Variants in ESR2 observed in about 807,000 individuals in gnomAD.
ESR2 encodes estrogen receptor 2, also known as estrogen receptor beta.
Under a neutral mutation model 49.6 loss-of-function variants are expected in ESR2, and 36 were observed. That is an observed-to-expected ratio of 0.73 (90% CI 0.56 to 0.96). The LOEUF (loss-of-function observed/expected upper bound fraction) is 0.96. Among genes scored for constraint, ESR2 ranks in the 40% least tolerant of loss-of-function variants. The probability of loss-of-function intolerance (pLI) is 0.00; values close to 1 mark genes in which losing one functional copy is unlikely to be tolerated. For missense variants in ESR2, 714 were observed against 693.0 expected (o/e 1.03, Z -0.34); for synonymous variants, 320 against 266.1 (o/e 1.20, Z -1.97).
intron 8 of ESR2, 89 bp from the exon 9 acceptor site, chr14:64,233,412 A>T: frequency 7.8e-7 from 1 of 1,287,462 alleles, no homozygotes; most frequent in Non-Finnish European, 1.1e-6. Context: ...GCTCAGAGCC[A>T]GTCTACCCCA....
chr14:64,315,243 C>CAA (rs201805001), intron 1 of ESR2, among the ~76,000 whole-genome samples: 210 of 45,652 alleles, frequency 4.6e-3, no homozygotes, highest in Non-Finnish European at 5.6e-3. Context: ...GAGTCTGTCT[C>CAA]AAAAAAAAAA....
chr14:64,233,379 C>A, intron 8 of ESR2, 56 bp from the exon 9 acceptor site: 1 of 1,548,298 alleles, frequency 6.5e-7, no homozygotes, highest in South Asian at 1.2e-5. Context: ...ACAGGAACCC[C>A]GAAGCCTTCC....
downstream of ESR2, chr14:64,226,719 C>CTCTG (rs1189616356): frequency 6.3e-5 from 6 of 95,650 alleles, no homozygotes; most frequent in African/African-American, 5.3e-4. Flanking sequence ...CAGAGTCTCA[C>CTCTG]TCTGTCAGTC....
At chr14:64,280,658 A>T (rs548472903) in intron 2 of ESR2, among the ~76,000 whole-genome samples, 23 of 152,352 alleles carry the variant, frequency 1.5e-4, no homozygotes, top group African/African-American at 5.3e-4. Flanking sequence ...TGAAGTTCCC[A>T]TTTAAATGGA....
chr14:64,285,346 C>T (rs1353688340), intron 1 of ESR2, among the ~76,000 whole-genome samples: 2 of 152,188 alleles, frequency 1.3e-5, no homozygotes, highest in South Asian at 2.1e-4. Context: ...CATCATTCCA[C>T]ACGAATCTCC....
In ESR2 at chr14:64,235,053, A is replaced by T; in HGVS notation, c.1323T>A (p.Ile441=). Residue 441 remains isoleucine, a synonymous_variant, in exon 8 of 9, where the codon ATT becomes ATA. Transcript: ENST00000341099. ...GCTGGGAGGAGATGCCGCTCTTGGC[A>T]ATCACCCAAACCAAAGCATCGGTCA... ...NAVTDALVWV[I]AKSGISSQQQ... is the part of the protein sequence containing the mutation. The T allele has an allele frequency of 6.2e-7, 1 of 1,614,216 alleles. No individual in the cohort carries two copies.
intron 1 of ESR2, among the ~76,000 whole-genome samples, chr14:64,309,212 C>T (rs1168133312): frequency 6.6e-6 from 1 of 152,170 alleles, no homozygotes; most frequent in Non-Finnish European, 1.5e-5. Context: ...GCCCCTGTAA[C>T]TCATACTCAT....
At chr14:64,305,253 T>A (rs1290038385) in intron 1 of ESR2, among the ~76,000 whole-genome samples, 1 of 138,822 alleles carries the variant, frequency 7.2e-6, no homozygotes, top group Non-Finnish European at 1.5e-5. Flanking sequence ...ATCGTGCCAC[T>A]GCACTCCAGC....
intron 4 of ESR2, among the ~76,000 whole-genome samples, chr14:64,266,215 G>C (rs371078601): frequency 6.6e-6 from 1 of 152,296 alleles, no homozygotes; most frequent in Admixed American, 6.5e-5. Context: ...GTTTTTCAGG[G>C]AAGGAGAGAG....
rs1444732684 is a variant in ESR2, at chr14:64,234,941, C to T, written c.1406+29G>A. On this transcript the variant is annotated intron_variant, in intron 8 of 8. Transcript: ENST00000341099. ...GGAGCACATAATCCCATCCCAAGCCCAAGCAGAGCAGCTCCTTAGGGCGCG... is the reference window on the plus strand; with the variant it reads ...GGAGCACATAATCCCATCCCAAGCCTAAGCAGAGCAGCTCCTTAGGGCGCG... 4 of 1,604,626 alleles carry T rather than the reference C, an allele frequency of 2.5e-6. No homozygotes were observed. The South Asian group carries it at 4.4e-5, about 18-fold the overall frequency.
chr14:64,247,763 T>C (rs1387400483), intron 7 of ESR2, among the ~76,000 whole-genome samples: 1 of 152,192 alleles, frequency 6.6e-6, no homozygotes, highest in Admixed American at 6.5e-5. Context: ...ATGACCAGTC[T>C]TGACAACCAT....
rs946098661 is a variant in ESR2 at position 64,231,654 on chromosome 14, T to C, written c.*1483A>G. On this transcript the variant is annotated 3_prime_UTR_variant, in exon 9 of 9. Coordinates refer to ENST00000341099, the MANE Select transcript of ESR2 (RefSeq NM_001437.3). ...TCCTAATGACTTAGTAAATACAGGA[T>C]GTGCTACCCAAAGTGAACATATTTT... is the stretch of plus-strand genomic sequence containing the variant. 5.3e-5 allele frequency: 8 copies of C among 152,260 alleles called. No individual in the cohort carries two copies. Among genetic ancestry groups the C allele is most frequent in the Non-Finnish European group, 8.8e-5 (6 of 68,036 alleles). The allele number at this position is 152,260 out of a possible 1,614,324, so 9.4% of individuals were successfully genotyped here.
intron 3 of ESR2, among the ~76,000 whole-genome samples, chr14:64,278,519 T>C (rs2076601447): frequency 6.6e-6 from 1 of 152,226 alleles, no homozygotes; most frequent in South Asian, 2.1e-4. Context: ...CACTATGAAT[T>C]CTCTCAACGT....
chr14:64,309,740 T>G (rs982801137), intron 1 of ESR2, among the ~76,000 whole-genome samples: 56 of 150,352 alleles, frequency 3.7e-4, no homozygotes, highest in Non-Finnish European at 7.4e-4. Context: ...GAGGCCGAGG[T>G]GGGTGGATGG....
intron 1 of ESR2, chr14:64,337,571 A>C (rs2077547128): frequency 6.6e-6 from 1 of 152,192 alleles, no homozygotes; most frequent in Admixed American, 6.5e-5. Flanking sequence ...ACGATTCCTT[A>C]ATTCTATTAT....
Position 64,268,930 on chromosome 14 carries a change from G to A in ESR2, c.536-19C>T, listed in dbSNP as rs1460537778. ...TTATGTCCTATAGCAGAGTGGGAGG[G>A]AAAAAAAGATTATTGCTATGATCTC... On this transcript the variant is annotated intron_variant, in intron 3 of 8. Transcript: ENST00000341099. 12 of 1,350,548 alleles carry A rather than the reference G, an allele frequency of 8.9e-6. No homozygotes were observed. Among genetic ancestry groups the A allele is most frequent in the Non-Finnish European group, 1.3e-5 (12 of 948,064 alleles). The allele number at this position is 1,350,548 out of a possible 1,614,324, so 83.7% of individuals were successfully genotyped here.
intron 3 of ESR2, among the ~76,000 whole-genome samples, chr14:64,276,673 T>C (rs1339571029): frequency 2.0e-5 from 3 of 152,102 alleles, no homozygotes; most frequent in African/African-American, 7.2e-5. Context: ...AACCATAGCA[T>C]TAAAACAATG....
chr14:64,268,753 T>TA lies in ESR2; in HGVS notation c.652+41dup, dbSNP rs1485043596. The TA allele has an allele frequency of 2.5e-6, 3 of 1,177,640 alleles. No individual in the cohort carries two copies. In the African/African-American group the frequency reaches 4.5e-5, roughly 18 times the overall value. 72.9% of individuals were successfully genotyped at this position (1,177,640 alleles called of 1,614,324 possible). A position where few individuals can be genotyped will look rare whatever the true frequency, so the allele number is the denominator to read the frequency against. On this transcript the variant is annotated intron_variant, in intron 4 of 8. Coordinates refer to ENST00000341099, the MANE Select transcript of ESR2 (RefSeq NM_001437.3). ...CCAGTTCCTCAGAGGACAGGGCTTT[T>TA]AGCAAGGCCCATATTCAATAAGAAG... is the stretch of plus-strand genomic sequence containing the variant.
intron 1 of ESR2, among the ~76,000 whole-genome samples, chr14:64,290,843 G>A (rs1175685303): frequency 3.7e-4 from 56 of 152,136 alleles, no homozygotes; most frequent in Admixed American, 1.2e-3. Context: ...TGTACATAAG[G>A]AAACCCTGTT....
Sources: gnomAD v4.1 joint callset for allele counts (sites outside exome capture counted in the v4.1 genomes callset) on GRCh38, gnomAD v4.1.1 for gene constraint, MANE v1.5 for transcripts, NCBI Gene and HGNC (gene_info 2026-07-23, HGNC 2026-07-21) for gene names.